Variants in TBC1D22B observed in about 807,000 individuals in gnomAD.
TBC1D22B encodes TBC1 domain family member 22B.
In TBC1D22B, 32 loss-of-function variants were observed where a neutral mutation model predicts 69.1. That is an observed-to-expected ratio of 0.46 (90% CI 0.35 to 0.62). The LOEUF (loss-of-function observed/expected upper bound fraction) is 0.62. Ranked by LOEUF, TBC1D22B falls within the 20% of genes least tolerant of loss-of-function variation. The pLI is 0.00. For synonymous variants in TBC1D22B, 206 were observed against 229.8 expected, an observed-to-expected ratio of 0.90 and a Z score of 0.94; for missense variants, 462 against 630.9, an observed-to-expected ratio of 0.73 and a Z score of 2.87.
At chr6:37,298,283 G>A (rs1767450929) in intron 8 of TBC1D22B, among the ~76,000 whole-genome samples, 1 of 152,108 alleles carries the variant, frequency 6.6e-6, no homozygotes, top group Non-Finnish European at 1.5e-5. Flanking sequence ...CTTGTTGTGT[G>A]TTCTTCCAGA....
chr6:37,294,994 T>C (rs1467341533), intron 8 of TBC1D22B, among the ~76,000 whole-genome samples: 2 of 152,246 alleles, frequency 1.3e-5, no homozygotes, highest in Non-Finnish European at 2.9e-5. Context: ...CTGGTGAAGA[T>C]GCTGTGAACA....
At position 37,269,616 on chromosome 6, in the gene TBC1D22B, C is replaced by G; in HGVS notation, c.79C>G (p.Gln27Glu). 6.2e-7 allele frequency: 1 copy of G among 1,614,154 alleles called. No homozygotes were observed. The highest frequency in any genetic ancestry group is 8.5e-7 in the Non-Finnish European group (1 of 1,180,022). ...PGSIQPVYGA[Q>E]HPPLDPRLTK... is the part of the protein sequence containing the mutation. ...TAGCATTCAGCCTGTATATGGAGCA[C>G]AGCATCCTCCTCTTGACCCACGGCT... The change falls in exon 2 of 13, where the codon CAG (glutamine) becomes GAG (glutamate). Residue 27 changes from glutamine to glutamate, a missense_variant. This residue lies in a region of TBC1D22B where 237 missense variants were observed against 255.4 expected (regional missense o/e 0.93). Transcript: ENST00000373491.
chr6:37,307,867 G>A (rs1029107088), intron 8 of TBC1D22B, among the ~76,000 whole-genome samples: 9 of 152,190 alleles, frequency 5.9e-5, no homozygotes, highest in African/African-American at 2.2e-4. Flanking sequence ...GATGGTTCCT[G>A]GGAAATGCCT....
chr6:37,331,092 G>A lies in TBC1D22B; in HGVS notation c.1438G>A (p.Glu480Lys), dbSNP rs1768569316. 4 of 1,614,146 alleles carry A rather than the reference G, an allele frequency of 2.5e-6. No individual in the cohort carries two copies. Among genetic ancestry groups the A allele is most frequent in the Non-Finnish European group, 2.5e-6 (3 of 1,180,010 alleles). ...QNLPTIHWGN[E>K]EIGLLLAEAY... The stretch of plus-strand genomic sequence containing the variant: ...CCTACCTACAATACACTGGGGCAAC[G>A]AAGAAATTGGGCTGCTTCTCGCCGA... The change falls in exon 13 of 13, where the codon GAA becomes AAA. Residue 480 changes from glutamate (E) to lysine (K), a missense_variant. Glu to Lys is a moderately conservative substitution (Grantham distance 56). This residue lies in a region of TBC1D22B where 225 missense variants were observed against 375.4 expected (regional missense o/e 0.60). Transcript: ENST00000373491.
In TBC1D22B at chr6:37,273,205, A is replaced by C. The variant is rs12524973; in HGVS notation, c.113+3555A>C. Among the ~76,000 whole-genome samples, 1,053 of 126,366 alleles carry C rather than the reference A, an allele frequency of 8.3e-3. 8 individuals are homozygous for C. Among genetic ancestry groups the C allele is most frequent in the Non-Finnish European group, 0.013 (785 of 59,784 alleles). 82.9% of individuals were successfully genotyped at this position (126,366 alleles called of 152,430 possible). A position where few individuals can be genotyped will look rare whatever the true frequency, so the allele number is the denominator to read the frequency against. ...AGGCAAAAAAAAAAAAAAAAAAAAA[A>C]CGAGAATAGCAAAGACAACAGCCTA... is the stretch of plus-strand genomic sequence containing the variant. On this transcript the variant is annotated intron_variant, in intron 2 of 12. Transcript: ENST00000373491.
chr6:37,283,882 A>T (rs1192653549), intron 5 of TBC1D22B, among the ~76,000 whole-genome samples: 1 of 152,232 alleles, frequency 6.6e-6, no homozygotes, highest in African/African-American at 2.4e-5. Context: ...GTTACACTGG[A>T]AAAGAATGTA....
chr6:37,327,920 G>T (rs75281781), intron 12 of TBC1D22B, among the ~76,000 whole-genome samples: 1 of 148,832 alleles, frequency 6.7e-6, no homozygotes, highest in African/African-American at 2.5e-5. Context: ...AGCAAAGTTT[G>T]TTTTTTTTTT....
intron 8 of TBC1D22B, among the ~76,000 whole-genome samples, chr6:37,306,310 G>A (rs1767717304): frequency 6.6e-6 from 1 of 152,184 alleles, no homozygotes. Context: ...CGTAACAGAG[G>A]AGATGTTGAG....
chr6:37,279,499 C>A lies in TBC1D22B; in HGVS notation c.309C>A (p.Asn103Lys). 1 of 1,614,144 alleles carries A rather than the reference C, an allele frequency of 6.2e-7. No homozygotes were observed. The highest frequency in any genetic ancestry group is 8.5e-7 in the Non-Finnish European group (1 of 1,180,024). ...ALATAAQVLE[N>K]HSKLRVKPER... is the part of the protein sequence containing the mutation. ...CAACTGCAGCCCAAGTTCTAGAAAA[C>A]CACAGCAAGCTGAGAGTAAAACCAG... The change falls in exon 3 of 13, where the codon AAC (asparagine) becomes AAA (lysine). Residue 103 changes from asparagine (N) to lysine (K), a missense_variant. Coordinates refer to ENST00000373491, the MANE Select transcript of TBC1D22B (RefSeq NM_017772.4).
intron 1 of TBC1D22B, among the ~76,000 whole-genome samples, chr6:37,268,640 T>C (rs1019327536): frequency 6.6e-6 from 1 of 152,204 alleles, no homozygotes; most frequent in African/African-American, 2.4e-5. Flanking sequence ...CTGTGTCTAT[T>C]TGCTGTTTTC....
In TBC1D22B at chr6:37,314,926, GTA is replaced by G. The variant is rs562989844; in HGVS notation, c.1165+1037_1165+1038del. On this transcript the variant is annotated intron_variant, in intron 10 of 12. Transcript: ENST00000373491. ...ATTTGTTTATTCACAGTTACTTCCC[GTA>G]TGTCACATGTGGAATTTTTTTTCCG... is the stretch of plus-strand genomic sequence containing the variant. Among the ~76,000 whole-genome samples, 133 of 152,038 alleles carry G rather than the reference GTA, an allele frequency of 8.7e-4. 1 individual carries two copies. Among genetic ancestry groups the G allele is most frequent in the Admixed American group, 7.9e-3 (121 of 15,270 alleles).
chr6:37,283,596 C>T (rs1258251192), intron 5 of TBC1D22B, among the ~76,000 whole-genome samples: 1 of 152,270 alleles, frequency 6.6e-6, no homozygotes, highest in East Asian at 1.9e-4. Flanking sequence ...AAGGGTCTGT[C>T]TCCTGACTGC....
chr6:37,295,128 G>A lies in TBC1D22B; in HGVS notation c.982+3771G>A, dbSNP rs142363596. ...TATTTATTTATTTATTTGGAGACAG[G>A]GTCCCACTCTGTTGCCCAGGCTGGA... On this transcript the variant is annotated intron_variant, in intron 8 of 12. Transcript: ENST00000373491. Among the ~76,000 whole-genome samples, 558 of 152,198 alleles carry A rather than the reference G, an allele frequency of 3.7e-3. 2 individuals carry two copies. The highest frequency in any genetic ancestry group is 0.012 in the African/African-American group (518 of 41,538).
intron 1 of TBC1D22B, among the ~76,000 whole-genome samples, chr6:37,267,789 A>G (rs1208259575): frequency 2.0e-5 from 3 of 151,940 alleles, no homozygotes; most frequent in South Asian, 2.1e-4. Context: ...TAAAACATCC[A>G]TATTCGTCTA....
At chr6:37,270,444 C>T (rs1023644544) in intron 2 of TBC1D22B, among the ~76,000 whole-genome samples, 3 of 151,920 alleles carry the variant, frequency 2.0e-5, no homozygotes, top group African/African-American at 7.3e-5. Flanking sequence ...AAGCGAGATG[C>T]CGTCTCAAAA....
At chr6:37,286,014 T>A (rs1766996021) in intron 6 of TBC1D22B, among the ~76,000 whole-genome samples, 1 of 152,240 alleles carries the variant, frequency 6.6e-6, no homozygotes, top group Non-Finnish European at 1.5e-5. Context: ...GCTCTTCTAG[T>A]TCTTAGGAAC....
intron 12 of TBC1D22B, among the ~76,000 whole-genome samples, chr6:37,319,891 G>A (rs1468858466): frequency 2.0e-5 from 3 of 152,190 alleles, no homozygotes; most frequent in East Asian, 1.9e-4. Flanking sequence ...TGTGACTTTT[G>A]CAGAGAAAGT....
chr6:37,276,867 G>T (rs1766685903), intron 2 of TBC1D22B, among the ~76,000 whole-genome samples: 1 of 151,900 alleles, frequency 6.6e-6, no homozygotes, highest in South Asian at 2.1e-4. Flanking sequence ...CTCCAGCCTG[G>T]GTGACAGAGC....
intron 8 of TBC1D22B, among the ~76,000 whole-genome samples, chr6:37,299,785 G>A (rs981469913): frequency 2.0e-5 from 3 of 152,146 alleles, no homozygotes; most frequent in South Asian, 2.1e-4. Flanking sequence ...TGAGACAGGC[G>A]GATCACATGA....
Sources: gnomAD v4.1 joint callset for allele counts (sites outside exome capture counted in the v4.1 genomes callset) on GRCh38, gnomAD v4.1.1 for gene constraint, gnomAD v4.1.1 regional missense constraint, MANE v1.5 for transcripts, NCBI Gene and HGNC (gene_info 2026-07-23, HGNC 2026-07-21) for gene names.